Variants in LRBA observed in about 807,000 individuals in gnomAD.
LRBA encodes the protein lipopolysaccharide-responsive and beige-like anchor protein.
In LRBA, 176 loss-of-function variants were observed where a neutral mutation model predicts 330.0. The observed-to-expected ratio is 0.53, with a 90% CI of 0.47 to 0.60. The LOEUF (loss-of-function observed/expected upper bound fraction) is 0.60, where lower values mean the gene tolerates loss of function less well. Ranked by LOEUF, LRBA falls within the 20% of genes least tolerant of loss-of-function variation. The pLI is 0.00. For missense variants in LRBA, 3,259 were observed against 3,444.8 expected (o/e 0.95, Z 1.35); for synonymous variants, 1,230 against 1,193.0 (o/e 1.03, Z -0.64).
At chr4:150,746,430 T>C (rs1171596421) in intron 35 of LRBA, among the ~76,000 whole-genome samples, 1 of 152,118 alleles carries the variant, frequency 6.6e-6, no homozygotes, top group African/African-American at 2.4e-5. Context: ...ATCTTCCTTC[T>C]TCATCATCCT....
chr4:150,894,005 T>C (rs1579119730), intron 16 of LRBA, among the ~76,000 whole-genome samples: 2 of 152,306 alleles, frequency 1.3e-5, no homozygotes, highest in East Asian at 1.9e-4. Context: ...ATCAAAGAAA[T>C]AAAATACCTT....
intron 31 of LRBA, among the ~76,000 whole-genome samples, chr4:150,811,547 G>C (rs1448620156): frequency 6.6e-6 from 1 of 152,108 alleles, no homozygotes; most frequent in African/African-American, 2.4e-5. Context: ...CTATTGCCCA[G>C]GCTGGAGTGT....
At chr4:150,769,004 C>T (rs1253949868) in intron 34 of LRBA, among the ~76,000 whole-genome samples, 2 of 133,764 alleles carry the variant, frequency 1.5e-5, no homozygotes, top group African/African-American at 5.8e-5. Flanking sequence ...GTGGCGCAAT[C>T]TCGGCTCACT....
chr4:150,310,769 C>T (rs1442258517), intron 51 of LRBA: 3 of 161,840 alleles, frequency 1.9e-5, no homozygotes, highest in African/African-American at 7.2e-5. Context: ...CATGTTGTGA[C>T]AATCTATTAC....
At chr4:150,472,701 C>A (rs1273530066) in intron 42 of LRBA, among the ~76,000 whole-genome samples, 2 of 152,052 alleles carry the variant, frequency 1.3e-5, no homozygotes, top group Non-Finnish European at 2.9e-5. Flanking sequence ...TCTAGTAAAC[C>A]CACCTTTTCT....
At chr4:150,716,378 G>A (rs957301374) in intron 36 of LRBA, among the ~76,000 whole-genome samples, 1 of 152,104 alleles carries the variant, frequency 6.6e-6, no homozygotes, top group Non-Finnish European at 1.5e-5. Context: ...CCAGGCAGGC[G>A]GAGGTTTCAG....
intron 30 of LRBA, among the ~76,000 whole-genome samples, chr4:150,825,621 A>T (rs1746146396): frequency 6.6e-6 from 1 of 152,142 alleles, no homozygotes; most frequent in African/African-American, 2.4e-5. Context: ...CACCCGCCTC[A>T]GCCTCCCAAA....
chr4:150,563,558 A>G (rs1768668813), intron 40 of LRBA, among the ~76,000 whole-genome samples: 1 of 152,190 alleles, frequency 6.6e-6, no homozygotes, highest in South Asian at 2.1e-4. Context: ...AGAAAGAAAT[A>G]AAGCGTATTC....
rs138164476 is a variant in LRBA at position 150,290,928 on chromosome 4, T to C, written c.8018-4894A>G. Among the ~76,000 whole-genome samples the C allele has an allele frequency of 6.0e-4, 91 of 152,288 alleles. 1 individual carries two copies. Among genetic ancestry groups the C allele is most frequent in the African/African-American group, 2.1e-3 (89 of 41,570 alleles). On this transcript the variant is annotated intron_variant, in intron 53 of 56. Coordinates refer to ENST00000651943, the MANE Select transcript of LRBA (RefSeq NM_001364905.1). ...ACACAAGATCTCTATACTAACCACT[T>C]AGCATTTATATTGGACTTATGTTTT...
At chr4:150,939,826 C>G (rs144391680) in intron 2 of LRBA, among the ~76,000 whole-genome samples, 22 of 152,174 alleles carry the variant, frequency 1.4e-4, no homozygotes, top group African/African-American at 5.1e-4. Flanking sequence ...CTGGAGACTC[C>G]AAATAATGGA....
chr4:150,770,586 T>C lies in LRBA; in HGVS notation c.5581-8739A>G, dbSNP rs202081767. The stretch of plus-strand genomic sequence containing the variant: ...CAAAGATTTTATATATATATATATA[T>C]ACACACACACACACACACACACAAA... On this transcript the variant is annotated intron_variant, in intron 34 of 56. Transcript: ENST00000651943. 7.2e-3 allele frequency among the ~76,000 whole-genome samples: 1,065 copies of C among 148,076 alleles called. 12 individuals carry two copies. The highest frequency in any genetic ancestry group is 0.024 in the African/African-American group (953 of 39,986).
At chr4:150,907,998 T>C (rs72719682) in intron 11 of LRBA, among the ~76,000 whole-genome samples, 166 of 152,206 alleles carry the variant, frequency 1.1e-3, no homozygotes, top group Non-Finnish European at 1.7e-3. Flanking sequence ...ATTTCAGAAA[T>C]TAAAAATTTC....
rs773688322 is a variant in LRBA at position 150,321,423 on chromosome 4, G to A, written c.7453-55C>T. 2 of 1,432,864 alleles carry A rather than the reference G, an allele frequency of 1.4e-6. No homozygotes were observed. The highest frequency in any genetic ancestry group is 1.9e-6 in the Non-Finnish European group (2 of 1,073,356). The allele number at this position is 1,432,864 out of a possible 1,614,324, so 88.8% of individuals were successfully genotyped here. On this transcript the variant is annotated intron_variant, in intron 49 of 56. Coordinates refer to ENST00000651943, the MANE Select transcript of LRBA (RefSeq NM_001364905.1). The surrounding 1 kb of genome is among the most constrained non-coding windows in gnomAD (Gnocchi z 4.5). ...TGACAAGACCCAAATAGACAAGAAG[G>A]AAAAGATGAAGAAAGACAAGAAAGA...
chr4:150,751,010 C>T (rs771227707), intron 35 of LRBA, among the ~76,000 whole-genome samples: 1 of 151,720 alleles, frequency 6.6e-6, no homozygotes, highest in Non-Finnish European at 1.5e-5. Context: ...TATACCCCAT[C>T]ATTATTTGAT....
At chr4:150,927,246 G>C (rs189290100) in intron 4 of LRBA, among the ~76,000 whole-genome samples, 1 of 151,630 alleles carries the variant, frequency 6.6e-6, no homozygotes, top group African/African-American at 2.4e-5. Context: ...GGTGGCATAC[G>C]CCTGTAGTCC....
intron 42 of LRBA, among the ~76,000 whole-genome samples, chr4:150,485,578 CA>C (rs1423221872): frequency 1.3e-5 from 2 of 151,772 alleles, no homozygotes; most frequent in Non-Finnish European, 2.9e-5. Flanking sequence ...GAGACATACA[CA>C]GGGGGAAAAC....
intron 34 of LRBA, among the ~76,000 whole-genome samples, chr4:150,771,262 G>A (rs1282817280): frequency 6.6e-6 from 1 of 152,060 alleles, no homozygotes; most frequent in Admixed American, 6.5e-5. Flanking sequence ...CCTACCTGTG[G>A]GGAGAAACAG....
chr4:150,909,414 T>C (rs1254217853), intron 9 of LRBA, among the ~76,000 whole-genome samples: 2 of 152,208 alleles, frequency 1.3e-5, no homozygotes, highest in Non-Finnish European at 2.9e-5. Flanking sequence ...TTTAGCACAA[T>C]GTCTTCACAG....
At chr4:150,346,641 C>A (rs996317018) in intron 48 of LRBA, among the ~76,000 whole-genome samples, 4 of 151,232 alleles carry the variant, frequency 2.6e-5, no homozygotes, top group African/African-American at 9.7e-5. Flanking sequence ...TGCCTGTAAT[C>A]CCAGCTATCC....
Sources: gnomAD v4.1 joint callset for allele counts (sites outside exome capture counted in the v4.1 genomes callset) on GRCh38, gnomAD v4.1.1 for gene constraint, Gnocchi (gnomAD v3.1) non-coding constraint, MANE v1.5 for transcripts, NCBI Gene and HGNC (gene_info 2026-07-23, HGNC 2026-07-21) for gene names.